Variants in LRIG2 observed in about 807,000 individuals in gnomAD.
LRIG2 encodes leucine-rich repeats and immunoglobulin-like domains protein 2.
LRIG2 carries 93 observed loss-of-function variants against 107.8 expected under a neutral mutation model. The ratio of observed to expected loss-of-function variants is 0.86; its 90% CI spans 0.73 to 1.03. The LOEUF is 1.03. Among genes scored for constraint, LRIG2 ranks in the 50% least tolerant of loss-of-function variants. LRIG2 has a pLI of 0.00. For synonymous variants in LRIG2, 471 were observed against 470.6 expected, an observed-to-expected ratio of 1.00 and a Z score of -0.01; for missense variants, 1,226 against 1,296.0, an observed-to-expected ratio of 0.95 and a Z score of 0.83.
rs1374111792 is a variant in LRIG2, at chr1:113,128,957, T to C, written c.*4856T>C. The C allele has an allele frequency of 1.3e-5, 2 of 152,144 alleles. No homozygotes were observed. Among genetic ancestry groups the C allele is most frequent in the African/African-American group, 2.4e-5 (1 of 41,426 alleles). 9.4% of individuals were successfully genotyped at this position (152,144 alleles called of 1,614,324 possible). On this transcript the variant is annotated 3_prime_UTR_variant, in exon 18 of 18. Transcript: ENST00000361127. ...GAATTAGGGCTAGGCTGCCAGAGAC[T>C]GTGCCAATGAGCATCACCCGTCATG...
intron 6 of LRIG2, 76 bp downstream of exon 6, chr1:113,094,831 AGTT>A (rs1653981122): frequency 3.5e-6 from 5 of 1,415,490 alleles, no homozygotes; most frequent in Non-Finnish European, 4.9e-6. Context: ...TGGCTAGGGT[AGTT>A]GTTCTGATTA....
intron 17 of LRIG2, among the ~76,000 whole-genome samples, chr1:113,120,311 A>G (rs983514103): frequency 2.0e-5 from 3 of 151,262 alleles, no homozygotes; most frequent in African/African-American, 7.3e-5. Context: ...TTAGCCTAAC[A>G]TGGTGGTGCA....
rs1458576758 is a variant in LRIG2 at position 113,126,680 on chromosome 1, G to A, written c.*2579G>A. On this transcript the variant is annotated 3_prime_UTR_variant, in exon 18 of 18. Transcript: ENST00000361127. ...TCATATTTTCAGTTTGCCCAAAAGA[G>A]GTAAGCCACTTTATTACAGACCCAT... The A allele has an allele frequency of 1.3e-5, 2 of 152,966 alleles. No homozygotes were observed. The highest frequency in any genetic ancestry group is 4.8e-5 in the African/African-American group (2 of 41,446). The allele number at this position is 152,966 out of a possible 1,614,324, so 9.5% of individuals were successfully genotyped here.
chr1:113,076,646 T>G (rs1652995204), intron 1 of LRIG2, among the ~76,000 whole-genome samples: 1 of 152,256 alleles, frequency 6.6e-6, no homozygotes, highest in Non-Finnish European at 1.5e-5. Flanking sequence ...CCAGTACATT[T>G]GGGTTTCTTT....
Position 113,100,451 on chromosome 1 carries a change from C to T in LRIG2, c.1276C>T (p.Gln426Ter). The stretch of plus-strand genomic sequence containing the variant: ...GAACAATAATGCTATAATGTCTATC[C>T]AAGAAAATGCTTTTTCTCAGACTCA... ...DLNNNAIMSI[Q>*]ENAFSQTHLK... The change falls in exon 11 of 18, where the codon CAA (glutamine) becomes TAA (stop). Residue 426 changes from glutamine to a stop codon, truncating the protein, a stop_gained. Coordinates refer to ENST00000361127, the MANE Select transcript of LRIG2 (RefSeq NM_014813.3). LOFTEE classifies it high-confidence loss of function. The T allele has an allele frequency of 6.5e-7, 1 of 1,538,276 alleles. No homozygotes were observed. Among genetic ancestry groups the T allele is most frequent in the African/African-American group, 1.4e-5 (1 of 73,546 alleles).
intron 2 of LRIG2, among the ~76,000 whole-genome samples, chr1:113,092,512 T>C (rs1162735574): frequency 6.6e-6 from 1 of 150,844 alleles, no homozygotes; most frequent in East Asian, 2.0e-4. Flanking sequence ...TTGTGTGTTG[T>C]GTGTTTATAT....
rs749128674 is a variant in LRIG2 at position 113,096,207 on chromosome 1, A to G, written c.948-15A>G. The G allele has an allele frequency of 6.2e-7, 1 of 1,609,952 alleles. No individual in the cohort carries two copies. Among genetic ancestry groups the G allele is most frequent in the Non-Finnish European group, 8.5e-7 (1 of 1,178,792 alleles). On this transcript the variant is annotated splice_polypyrimidine_tract_variant and intron_variant, in intron 7 of 17. Coordinates refer to ENST00000361127, the MANE Select transcript of LRIG2 (RefSeq NM_014813.3). ...ATACAATGAATTCCTTACCTTCCACATTTCTTGTTTTCAGTGATTTGTCCT... is the reference window on the plus strand; with the variant it reads ...ATACAATGAATTCCTTACCTTCCACGTTTCTTGTTTTCAGTGATTTGTCCT...
chr1:113,119,503 C>T lies in LRIG2; in HGVS notation c.2951C>T (p.Pro984Leu). The T allele has an allele frequency of 6.2e-7, 1 of 1,614,052 alleles. No individual in the cohort carries two copies. The highest frequency in any genetic ancestry group is 8.5e-7 in the Non-Finnish European group (1 of 1,179,980). The change falls in exon 17 of 18, where the codon CCC (proline) becomes CTC (leucine). Residue 984 changes from proline (P) to leucine (L), a missense_variant. By Grantham distance (98) the Pro-to-Leu change is moderately conservative (BLOSUM62 -3). This residue lies in a region of LRIG2 where 642 missense variants were observed against 712.2 expected (regional missense o/e 0.90). Transcript: ENST00000361127. ...NHERISEKKL[P>L]STQMSGETLQ... is the part of the protein sequence containing the mutation. ...GAGAGGATAAGTGAGAAGAAACTTCCCTCCACACAGATGAGCGGTGGTAAG... is the reference window on the plus strand; with the variant it reads ...GAGAGGATAAGTGAGAAGAAACTTCTCTCCACACAGATGAGCGGTGGTAAG...
rs770390990 is a variant in LRIG2 at position 113,110,575 on chromosome 1, G to A, written c.1798+13G>A. On this transcript the variant is annotated intron_variant, in intron 13 of 17. Transcript: ENST00000361127. ...CTGACTGTAAATGGTAAGGAATTAT[G>A]CTCCTTGATTTTTTTTAGTTTAGAA... 29 of 1,559,708 alleles carry A rather than the reference G, an allele frequency of 1.9e-5. No homozygotes were observed. Among genetic ancestry groups the A allele is most frequent in the Admixed American group, 3.7e-5 (2 of 54,452 alleles).
intron 4 of LRIG2, among the ~76,000 whole-genome samples, chr1:113,094,001 T>G (rs966820871): frequency 2.6e-5 from 4 of 152,144 alleles, no homozygotes; most frequent in African/African-American, 9.7e-5. Context: ...ATTTTGAGAT[T>G]CAATTTTGTT....
chr1:113,114,020 T>C, intron 14 of LRIG2, among the ~76,000 whole-genome samples: 1 of 152,216 alleles, frequency 6.6e-6, no homozygotes, highest in East Asian at 1.9e-4. Flanking sequence ...TTGTAAAAGA[T>C]CATGTGACTA....
intron 4 of LRIG2, among the ~76,000 whole-genome samples, chr1:113,094,133 C>T (rs769090847): frequency 2.0e-5 from 3 of 152,172 alleles, no homozygotes; most frequent in African/African-American, 7.2e-5. Flanking sequence ...CATATTCACA[C>T]ATGCTGTTTT....
intron 11 of LRIG2, among the ~76,000 whole-genome samples, chr1:113,106,532 TCTCA>T (rs1354095314): frequency 1.3e-5 from 2 of 152,114 alleles, no homozygotes; most frequent in Admixed American, 6.5e-5. Context: ...TGGGAGACAG[TCTCA>T]CTCTGTTGCC....
At chr1:113,080,158 C>G (rs1347175095) in intron 1 of LRIG2, among the ~76,000 whole-genome samples, 1 of 148,928 alleles carries the variant, frequency 6.7e-6, no homozygotes, top group Non-Finnish European at 1.5e-5. Context: ...GTAGCTGGGA[C>G]TACAGGCACG....
intron 9 of LRIG2, among the ~76,000 whole-genome samples, chr1:113,099,485 C>T (rs1281286099): frequency 2.0e-5 from 3 of 151,958 alleles, no homozygotes; most frequent in African/African-American, 7.3e-5. Flanking sequence ...AGTGATCCTC[C>T]CACCTTGGCC....
intron 9 of LRIG2, 68 bp from the exon 10 acceptor site, chr1:113,100,143 G>GT: frequency 2.2e-6 from 2 of 929,738 alleles, no homozygotes; most frequent in Non-Finnish European, 3.3e-6. Flanking sequence ...CTTTTTATAG[G>GT]TAAATGTTTA....
chr1:113,081,121 A>G (rs555239128), intron 1 of LRIG2, among the ~76,000 whole-genome samples: 1 of 152,170 alleles, frequency 6.6e-6, no homozygotes, highest in Non-Finnish European at 1.5e-5. Context: ...GATTCCACGC[A>G]TGAGCCACCG....
chr1:113,127,943 C>T lies in LRIG2; in HGVS notation c.*3842C>T, dbSNP rs946267267. 3 of 110,440 alleles carry T rather than the reference C, an allele frequency of 2.7e-5. No individual in the cohort carries two copies. The highest frequency in any genetic ancestry group is 9.3e-5 in the African/African-American group (3 of 32,218). The allele number at this position is 110,440 out of a possible 1,614,324, so 6.8% of individuals were successfully genotyped here. ...ATACCAAAGAGCTTTAGGTAAATAA[C>T]TTCACACTCTAATGCAATGTAATTC... On this transcript the variant is annotated 3_prime_UTR_variant, in exon 18 of 18. Coordinates refer to ENST00000361127, the MANE Select transcript of LRIG2 (RefSeq NM_014813.3).
At position 113,114,760 on chromosome 1, in the gene LRIG2, C is replaced by T; in HGVS notation, c.2414C>T (p.Thr805Ile). ...SIGHEDDGWT[T>I]VGIVIIVVVC... Reference sequence around the variant, plus strand: ...GGGCATGAAGATGATGGCTGGACCACAGTTGGCATTGTCATCATTGTTGTG... The same window carrying T: ...GGGCATGAAGATGATGGCTGGACCATAGTTGGCATTGTCATCATTGTTGTG... Residue 805 changes from threonine (T) to isoleucine (I), a missense_variant, in exon 15 of 18, where the codon ACA becomes ATA. Physicochemically the swap from Thr to Ile is moderately conservative, Grantham distance 89. Coordinates refer to ENST00000361127, the MANE Select transcript of LRIG2 (RefSeq NM_014813.3). 6.2e-7 allele frequency: 1 copy of T among 1,614,168 alleles called. No homozygotes were observed. The highest frequency in any genetic ancestry group is 8.5e-7 in the Non-Finnish European group (1 of 1,180,038).
Sources: gnomAD v4.1 joint callset for allele counts (sites outside exome capture counted in the v4.1 genomes callset) on GRCh38, gnomAD v4.1.1 for gene constraint, gnomAD v4.1.1 regional missense constraint, MANE v1.5 for transcripts, NCBI Gene and HGNC (gene_info 2026-07-23, HGNC 2026-07-21) for gene names.